PTCHD1: variants seen among roughly 807,000 people sequenced by gnomAD.
PTCHD1 encodes patched domain-containing protein 1.
PTCHD1 carries 3 observed loss-of-function variants against 34.6 expected under a neutral mutation model. That is an observed-to-expected ratio of 0.09 (90% CI 0.04 to 0.22). The LOEUF is 0.22. PTCHD1 is among the 10% of genes least tolerant of loss of function. The probability of loss-of-function intolerance (pLI) is 1.00; values close to 1 mark genes in which losing one functional copy is unlikely to be tolerated. For missense variants in PTCHD1, 504 were observed against 685.5 expected, an observed-to-expected ratio of 0.74 and a Z score of 2.96; for synonymous variants, 305 against 283.1, an observed-to-expected ratio of 1.08 and a Z score of -0.77.
Position 23,375,391 on chromosome X carries a change from G to A in PTCHD1, c.352-4200G>A, listed in dbSNP as rs181006990. Among the ~76,000 whole-genome samples the A allele has an allele frequency of 3.1e-4, 33 of 107,431 alleles. No homozygotes were observed. The East Asian group carries it at 9.3e-3, about 30-fold the overall frequency. 93.3% of individuals were successfully genotyped at this position (107,431 alleles called of 115,157 possible). A position where few individuals can be genotyped will look rare whatever the true frequency, so the allele number is the denominator to read the frequency against. On this transcript the variant is annotated intron_variant, in intron 1 of 2. Coordinates refer to ENST00000379361, the MANE Select transcript of PTCHD1 (RefSeq NM_173495.3). Reference sequence around the variant, plus strand: ...TGCAAGCTCCGCCTTCCGGGTTCACGCCATTCTCCTGCCTCAGCCTCCCAT... The same window carrying A: ...TGCAAGCTCCGCCTTCCGGGTTCACACCATTCTCCTGCCTCAGCCTCCCAT...
intron 1 of PTCHD1, among the ~76,000 whole-genome samples, chrX:23,361,822 G>A (rs184597298): frequency 1.8e-5 from 2 of 111,817 alleles, no homozygotes; most frequent in Non-Finnish European, 3.8e-5. Context: ...GCTTCCTTCA[G>A]GAGCTCTTGT....
chrX:23,393,230 T>C lies in PTCHD1; in HGVS notation c.1712T>C (p.Val571Ala). Residue 571 changes from valine to alanine, a missense_variant, in exon 3 of 3, where the codon GTC becomes GCC. By Grantham distance (64) the Val-to-Ala change is moderately conservative. Transcript: ENST00000379361. Reference sequence around the variant, plus strand: ...TCTATAGAATACTGGAACACTAGTGTCCAAGAAGATGTTCTAGAATACACC... The same window carrying C: ...TCTATAGAATACTGGAACACTAGTGCCCAAGAAGATGTTCTAGAATACACC... ...YESIEYWNTS[V>A]QEDVLEYTKG... The C allele has an allele frequency of 8.3e-7, 1 of 1,206,274 alleles. No homozygotes were observed.
rs57194123 is a variant in PTCHD1, at chrX:23,350,060, T to TAAAAAAAA, written c.351+14856_351+14863dup. The stretch of plus-strand genomic sequence containing the variant: ...CTAGGAAAGCTCCCTTTAGTGCTGT[T>TAAAAAAAA]AAAAAAAAAAAAAAAAAAAAAAAAA... On this transcript the variant is annotated intron_variant, in intron 1 of 2. Coordinates refer to ENST00000379361, the MANE Select transcript of PTCHD1 (RefSeq NM_173495.3). Among the ~76,000 whole-genome samples the TAAAAAAAA allele has an allele frequency of 4.5e-3, 183 of 40,410 alleles. 4 individuals are homozygous for TAAAAAAAA. Among genetic ancestry groups the TAAAAAAAA allele is most frequent in the Non-Finnish European group, 5.4e-3 (129 of 23,999 alleles). 35.1% of individuals were successfully genotyped at this position (40,410 alleles called of 115,157 possible). A position where few individuals can be genotyped will look rare whatever the true frequency, so the allele number is the denominator to read the frequency against.
At position 23,393,786 on chromosome X, in the gene PTCHD1, C is replaced by T; in HGVS notation, c.2268C>T (p.Cys756=). The change falls in exon 3 of 3, where the codon TGC becomes TGT. Residue 756 remains cysteine (C), a synonymous_variant. Transcript: ENST00000379361. ...AACTGGACTGCATTTCTGTGCTATG[C>T]TTAATTTATGGAATTAATTACACAA... ...KVELDCISVL[C]LIYGINYTID... 2 of 1,211,292 alleles carry T rather than the reference C, an allele frequency of 1.7e-6. No homozygotes were observed. The highest frequency in any genetic ancestry group is 2.2e-6 in the Non-Finnish European group (2 of 895,079).
At chrX:23,389,649 G>T (rs187456720) in intron 2 of PTCHD1, among the ~76,000 whole-genome samples, 1 of 111,599 alleles carries the variant, frequency 9.0e-6, no homozygotes, top group Non-Finnish European at 1.9e-5. Flanking sequence ...CTGAGTGATC[G>T]GTTAGAACAA....
intron 1 of PTCHD1, among the ~76,000 whole-genome samples, chrX:23,379,082 G>A (rs1484192720): frequency 8.9e-6 from 1 of 112,019 alleles, no homozygotes; most frequent in Non-Finnish European, 1.9e-5. Context: ...ATTAAAGGAC[G>A]AGCCAGCAGA....
At chrX:23,340,070 C>T (rs1921266639) in intron 1 of PTCHD1, among the ~76,000 whole-genome samples, 1 of 111,946 alleles carries the variant, frequency 8.9e-6, no homozygotes, top group African/African-American at 3.2e-5. Flanking sequence ...GGTAGAGGCA[C>T]AGCGTAGCCC....
At position 23,395,620 on chromosome X, in the gene PTCHD1, T is replaced by A. The variant is rs1922969724; in HGVS notation, c.*1435T>A. 1 of 111,906 alleles carries A rather than the reference T, an allele frequency of 8.9e-6. No homozygotes were observed. The highest frequency in any genetic ancestry group is 9.5e-5 in the Admixed American group (1 of 10,486). 9.2% of individuals were successfully genotyped at this position (111,906 alleles called of 1,213,427 possible). A position where few individuals can be genotyped will look rare whatever the true frequency, so the allele number is the denominator to read the frequency against. ...ACTTCCAGTATCTACAGAAGAATGGTTCATAGATCTAAACAGAAATGGTTT... is the reference window on the plus strand; with the variant it reads ...ACTTCCAGTATCTACAGAAGAATGGATCATAGATCTAAACAGAAATGGTTT... On this transcript the variant is annotated 3_prime_UTR_variant, in exon 3 of 3. Transcript: ENST00000379361.
At chrX:23,343,557 C>G (rs752957744) in intron 1 of PTCHD1, among the ~76,000 whole-genome samples, 1 of 112,353 alleles carries the variant, frequency 8.9e-6, no homozygotes, top group East Asian at 2.8e-4. Context: ...TTTTCCTGAC[C>G]ATAGCACCAG....
intron 1 of PTCHD1, among the ~76,000 whole-genome samples, chrX:23,359,798 C>T (rs1296293953): frequency 9.0e-6 from 1 of 111,703 alleles, no homozygotes; most frequent in Non-Finnish European, 1.9e-5. Context: ...TCATAAATAG[C>T]TCTTATTATT....
intron 1 of PTCHD1, among the ~76,000 whole-genome samples, chrX:23,368,834 G>A (rs981877638): frequency 6.3e-5 from 7 of 111,527 alleles, no homozygotes; most frequent in African/African-American, 2.0e-4. Flanking sequence ...AGACCAGGAC[G>A]GGTGAATCAC....
intron 2 of PTCHD1, 158 bp downstream of exon 2, chrX:23,380,409 A>C (rs771843524): frequency 1.9e-6 from 1 of 539,991 alleles, no homozygotes; most frequent in African/African-American, 2.3e-5. Context: ...GCTGGTAATC[A>C]GCAAAAAACA....
At chrX:23,374,572 C>A (rs1440147780) in intron 1 of PTCHD1, among the ~76,000 whole-genome samples, 2 of 109,238 alleles carry the variant, frequency 1.8e-5, no homozygotes, top group Non-Finnish European at 3.8e-5. Context: ...CAACGCCTCC[C>A]CAGAATGGGA....
At chrX:23,361,770 T>G (rs1157870160) in intron 1 of PTCHD1, among the ~76,000 whole-genome samples, 1 of 112,390 alleles carries the variant, frequency 8.9e-6, no homozygotes, top group Non-Finnish European at 1.9e-5. Flanking sequence ...TTTGGCATGT[T>G]TTTGCAGTGG....
chrX:23,334,924 C>G lies in PTCHD1; in HGVS notation c.49C>G (p.Leu17Val), dbSNP rs1463150822. The stretch of plus-strand genomic sequence containing the variant: ...GGGCTTGAGGACGTGTTTCTCCCGG[C>G]TCGGCCACTTCATTGCCAGTCACCC... ...HRGLRTCFSRLGHFIASHPVF... is the reference protein window; with the variant it reads ...HRGLRTCFSRVGHFIASHPVF... The change falls in exon 1 of 3, where the codon CTC becomes GTC. Residue 17 changes from leucine to valine, a missense_variant. Transcript: ENST00000379361. 6.7e-6 allele frequency: 8 copies of G among 1,202,902 alleles called. No homozygotes were observed. Among genetic ancestry groups the G allele is most frequent in the Non-Finnish European group, 9.0e-6 (8 of 891,328 alleles).
chrX:23,345,581 G>A (rs913444093), intron 1 of PTCHD1, among the ~76,000 whole-genome samples: 30 of 112,180 alleles, frequency 2.7e-4, no homozygotes, highest in African/African-American at 9.4e-4. Context: ...GAAACAGATT[G>A]TGGTCTCCAC....
chrX:23,353,236 C>T (rs1315812194), intron 1 of PTCHD1, among the ~76,000 whole-genome samples: 3 of 112,540 alleles, frequency 2.7e-5, no homozygotes, highest in East Asian at 2.8e-4. Flanking sequence ...GTAAGGGATA[C>T]ATGGGAACTC....
intron 1 of PTCHD1, among the ~76,000 whole-genome samples, chrX:23,338,287 C>T (rs1236856074): frequency 8.9e-6 from 1 of 112,158 alleles, no homozygotes; most frequent in Non-Finnish European, 1.9e-5. Context: ...TCTTCCTTTT[C>T]CTAGAAAATT....
intron 1 of PTCHD1, among the ~76,000 whole-genome samples, chrX:23,337,283 A>G (rs1209259165): frequency 8.9e-6 from 1 of 112,326 alleles, no homozygotes; most frequent in Non-Finnish European, 1.9e-5. Context: ...AATCAAAACC[A>G]AGCCTAGCAG....
Sources: gnomAD v4.1 joint callset for allele counts (sites outside exome capture counted in the v4.1 genomes callset) on GRCh38, gnomAD v4.1.1 for gene constraint, MANE v1.5 for transcripts, NCBI Gene and HGNC (gene_info 2026-07-23, HGNC 2026-07-21) for gene names.